The following PRKCQ variants were observed in gnomAD, a reference collection of about 807,000 sequenced individuals.
PRKCQ encodes protein kinase C theta, also known as protein kinase C theta type.
PRKCQ carries 41 observed loss-of-function variants against 91.2 expected under a neutral mutation model. The observed-to-expected ratio is 0.45, with a 90% CI of 0.35 to 0.58. The LOEUF (loss-of-function observed/expected upper bound fraction) is 0.58, where lower values mean the gene tolerates loss of function less well. Ranked by LOEUF, PRKCQ falls within the 20% of genes least tolerant of loss-of-function variation. PRKCQ has a pLI of 0.00. For synonymous variants in PRKCQ, 307 were observed against 316.9 expected, an observed-to-expected ratio of 0.97 and a Z score of 0.33; for missense variants, 673 against 896.5, an observed-to-expected ratio of 0.75 and a Z score of 3.18.
At chr10:6,467,662 G>C (rs1316868399) in intron 12 of PRKCQ, among the ~76,000 whole-genome samples, 1 of 152,184 alleles carries the variant, frequency 6.6e-6, no homozygotes, top group African/African-American at 2.4e-5. Context: ...CTGTCGAATG[G>C]AAATTCTAGT....
At chr10:6,567,812 C>T (rs539163362) in intron 1 of PRKCQ, among the ~76,000 whole-genome samples, 1 of 152,070 alleles carries the variant, frequency 6.6e-6, no homozygotes. Context: ...CTACTCTTTC[C>T]TTTTAAGATA....
At chr10:6,511,677 G>A (rs938165569) in intron 2 of PRKCQ, among the ~76,000 whole-genome samples, 1 of 152,192 alleles carries the variant, frequency 6.6e-6, no homozygotes, top group Non-Finnish European at 1.5e-5. Context: ...GAACTTGGGA[G>A]GGGTAAGTAA....
chr10:6,441,399 C>T (rs1221367804), intron 16 of PRKCQ, among the ~76,000 whole-genome samples: 9 of 152,242 alleles, frequency 5.9e-5, no homozygotes, highest in Non-Finnish European at 1.3e-4. Flanking sequence ...ACCTTGGCCT[C>T]CCAAAGTGCT....
At chr10:6,478,619 G>A (rs1411767576) in intron 12 of PRKCQ, among the ~76,000 whole-genome samples, 3 of 152,254 alleles carry the variant, frequency 2.0e-5, no homozygotes, top group East Asian at 1.9e-4. Flanking sequence ...GTGTACGTGC[G>A]TTTTGATCTA....
downstream of PRKCQ, among the ~76,000 whole-genome samples, chr10:6,425,771 A>T (rs1414246405): frequency 6.6e-6 from 1 of 152,194 alleles, no homozygotes; most frequent in African/African-American, 2.4e-5. Flanking sequence ...CCTAGGAAAC[A>T]TAGGGAGACT....
intron 1 of PRKCQ, among the ~76,000 whole-genome samples, chr10:6,530,342 A>C (rs986583111): frequency 2.0e-5 from 3 of 152,158 alleles, no homozygotes; most frequent in Non-Finnish European, 4.4e-5. Context: ...CTGTCCTCCT[A>C]TGCTGCTGTG....
intron 15 of PRKCQ, among the ~76,000 whole-genome samples, chr10:6,448,497 C>G (rs1285797583): frequency 1.2e-4 from 18 of 152,170 alleles, no homozygotes; most frequent in Admixed American, 1.0e-3. Context: ...CAACCTCCGC[C>G]TCCCGGGTTC....
intron 4 of PRKCQ, among the ~76,000 whole-genome samples, chr10:6,506,450 A>C (rs1035144083): frequency 6.6e-5 from 10 of 152,226 alleles, no homozygotes; most frequent in Non-Finnish European, 2.9e-5. Context: ...TTTTCTTCAG[A>C]TCGAATAAAT....
chr10:6,442,459 C>T (rs531602697), intron 15 of PRKCQ, among the ~76,000 whole-genome samples: 1 of 152,286 alleles, frequency 6.6e-6, no homozygotes, highest in Non-Finnish European at 1.5e-5. Flanking sequence ...AGCCTGGAAA[C>T]CAAGCCTACG....
intron 15 of PRKCQ, among the ~76,000 whole-genome samples, chr10:6,453,485 G>C (rs1427834688): frequency 6.6e-6 from 1 of 152,246 alleles, no homozygotes; most frequent in East Asian, 1.9e-4. Flanking sequence ...CTGCCAACTA[G>C]TTCAACCATT....
chr10:6,454,726 G>C (rs79059351), intron 15 of PRKCQ, among the ~76,000 whole-genome samples: 3 of 152,126 alleles, frequency 2.0e-5, no homozygotes, highest in African/African-American at 7.2e-5. Flanking sequence ...GAAAGTGGAC[G>C]TAGTGTCTGC....
intron 15 of PRKCQ, among the ~76,000 whole-genome samples, chr10:6,455,907 C>T (rs1834975710): frequency 6.6e-6 from 1 of 152,138 alleles, no homozygotes; most frequent in African/African-American, 2.4e-5. Context: ...TGAATCTGTC[C>T]ATGACTGCAG....
chr10:6,472,143 C>A (rs534058831), intron 12 of PRKCQ, among the ~76,000 whole-genome samples: 13 of 152,236 alleles, frequency 8.5e-5, no homozygotes, highest in African/African-American at 3.1e-4. Context: ...CCCATCTCTA[C>A]TAAATATACA....
At chr10:6,410,795 C>T in the PRKCQ span, among the ~76,000 whole-genome samples, 1 of 152,106 alleles carries the variant, frequency 6.6e-6, no homozygotes, top group African/African-American at 2.4e-5. Flanking sequence ...CCAGCCTGGC[C>T]AACATGGTGA....
rs1252250126 is a variant in PRKCQ, at chr10:6,456,708, G to A, written c.1613C>T (p.Thr538Ile). The A allele has an allele frequency of 6.2e-7, 1 of 1,614,116 alleles. No individual in the cohort carries two copies. The highest frequency in any genetic ancestry group is 8.5e-7 in the Non-Finnish European group (1 of 1,180,006). Reference sequence around the variant, plus strand: ...GATGTAGTCAGGTGTCCCACAGAAGGTATTCGTCTTGGCATCTCCTAACAT... The same window carrying A: ...GATGTAGTCAGGTGTCCCACAGAAGATATTCGTCTTGGCATCTCCTAACAT... ...ENMLGDAKTN[T>I]FCGTPDYIAP... The change falls in exon 15 of 18, where the codon ACC (threonine) becomes ATC (isoleucine). Residue 538 changes from threonine to isoleucine, a missense_variant. Physicochemically the swap from Thr to Ile is moderately conservative, Grantham distance 89. Coordinates refer to ENST00000263125, the MANE Select transcript of PRKCQ (RefSeq NM_006257.5).
the PRKCQ span, among the ~76,000 whole-genome samples, chr10:6,416,151 T>C: frequency 6.6e-6 from 1 of 152,236 alleles, no homozygotes; most frequent in Non-Finnish European, 1.5e-5. Flanking sequence ...GGATTCTTGA[T>C]ATGATTGAGC....
the PRKCQ span, among the ~76,000 whole-genome samples, chr10:6,396,059 T>C: frequency 1.3e-5 from 2 of 152,118 alleles, no homozygotes; most frequent in Non-Finnish European, 1.5e-5. Flanking sequence ...AACTTCCCAA[T>C]AGCAAATGGC....
chr10:6,532,083 A>C (rs1839417646), intron 1 of PRKCQ, among the ~76,000 whole-genome samples: 1 of 152,190 alleles, frequency 6.6e-6, no homozygotes, highest in African/African-American at 2.4e-5. Context: ...ACAGAGTATT[A>C]ATATTACATA....
intron 15 of PRKCQ, among the ~76,000 whole-genome samples, chr10:6,453,827 A>T (rs1406078173): frequency 6.6e-6 from 1 of 151,954 alleles, no homozygotes; most frequent in African/African-American, 2.4e-5. Flanking sequence ...AAGGACAAAA[A>T]ACCAAACACC....
Sources: gnomAD v4.1 joint callset for allele counts (sites outside exome capture counted in the v4.1 genomes callset) on GRCh38, gnomAD v4.1.1 for gene constraint, MANE v1.5 for transcripts, NCBI Gene and HGNC (gene_info 2026-07-23, HGNC 2026-07-21) for gene names.